The following CFAP20DC variants were observed in gnomAD, a reference collection of about 807,000 sequenced individuals.
CFAP20DC encodes the protein protein CFAP20DC.
A neutral mutation model predicts 101.7 loss-of-function variants in CFAP20DC; 84 were observed. The observed-to-expected ratio is 0.83, with a 90% CI of 0.69 to 0.99. The LOEUF (loss-of-function observed/expected upper bound fraction) is 0.99. CFAP20DC is among the 50% of genes least tolerant of loss of function. CFAP20DC has a pLI of 0.00. For missense variants in CFAP20DC, 1,007 were observed against 970.3 expected (o/e 1.04, Z -0.50); for synonymous variants, 359 against 351.2 (o/e 1.02, Z -0.25).
chr3:58,771,150 A>T (rs527921577), intron 15 of CFAP20DC, among the ~76,000 whole-genome samples: 1 of 152,176 alleles, frequency 6.6e-6, no homozygotes, highest in Admixed American at 6.5e-5. Flanking sequence ...CTATCACAAG[A>T]TCACGAACCA....
chr3:59,034,886 T>C (rs1209592764), intron 4 of CFAP20DC, among the ~76,000 whole-genome samples: 3 of 152,160 alleles, frequency 2.0e-5, no homozygotes, highest in Non-Finnish European at 4.4e-5. Context: ...ATCAACAGAA[T>C]ATACATTCTT....
At chr3:58,931,094 A>T (rs2086599486) in intron 5 of CFAP20DC, among the ~76,000 whole-genome samples, 1 of 152,082 alleles carries the variant, frequency 6.6e-6, no homozygotes, top group East Asian at 1.9e-4. Flanking sequence ...GATGGGGCTT[A>T]AAAAACGGCG....
Position 58,742,564 on chromosome 3 carries a change from C to G in CFAP20DC, c.2341G>C (p.Asp781His). ...TCCTCGTCCTCTTCCACACTGAGGT[C>G]TTCTTCACCTGTGGGGAAGGGGAAC... Reference protein sequence around the residue: ...CESLSVQGEEDLSVEEDEEVL... With the variant: ...CESLSVQGEEHLSVEEDEEVL... Residue 781 changes from aspartate to histidine, a missense_variant, in exon 17 of 17, where the codon GAC (aspartate) becomes CAC (histidine). By Grantham distance (81) the Asp-to-His change is moderately conservative (BLOSUM62 -1). Transcript: ENST00000482387. 2 of 1,598,684 alleles carry G rather than the reference C, an allele frequency of 1.3e-6. No homozygotes were observed. The highest frequency in any genetic ancestry group is 1.7e-6 in the Non-Finnish European group (2 of 1,172,122).
chr3:58,830,591 A>G (rs2076331640), intron 14 of CFAP20DC, among the ~76,000 whole-genome samples: 1 of 152,236 alleles, frequency 6.6e-6, no homozygotes, highest in Non-Finnish European at 1.5e-5. Flanking sequence ...ATTCATATGT[A>G]TTTAATTAAA....
chr3:58,994,281 G>A (rs972197491), intron 4 of CFAP20DC, among the ~76,000 whole-genome samples: 3 of 152,194 alleles, frequency 2.0e-5, no homozygotes, highest in Non-Finnish European at 4.4e-5. Flanking sequence ...AAAGCCTGCA[G>A]TGCTCTCATT....
intron 4 of CFAP20DC, among the ~76,000 whole-genome samples, chr3:58,993,194 TCATTTTTA>T (rs1261718696): frequency 6.6e-6 from 1 of 152,240 alleles, no homozygotes. Flanking sequence ...ATTATTCCCT[TCATTTTTA>T]ATAGAATGCT....
At chr3:58,960,232 C>A (rs2091015207) in intron 4 of CFAP20DC, among the ~76,000 whole-genome samples, 1 of 152,154 alleles carries the variant, frequency 6.6e-6, no homozygotes, top group South Asian at 2.1e-4. Context: ...GTGGCTCATG[C>A]CTGTAATCCC....
downstream of CFAP20DC, among the ~76,000 whole-genome samples, chr3:58,716,471 G>A: frequency 6.7e-6 from 1 of 150,278 alleles, no homozygotes; most frequent in East Asian, 1.9e-4. Flanking sequence ...CCTGCAGTCA[G>A]ATAATTTTTA....
At chr3:58,802,302 C>T (rs73837966) in intron 15 of CFAP20DC, among the ~76,000 whole-genome samples, 18,365 of 152,212 alleles carry the variant, frequency 0.12, 2,012 homozygotes, top group East Asian at 0.35. Flanking sequence ...TTTTGCTCTG[C>T]TTGGCAGCAT....
intron 13 of CFAP20DC, among the ~76,000 whole-genome samples, chr3:58,843,248 G>T (rs2077313109): frequency 6.6e-6 from 1 of 151,986 alleles, no homozygotes; most frequent in Non-Finnish European, 1.5e-5. Flanking sequence ...CAAAGGCAAA[G>T]AAGTTAAAAA....
chr3:58,863,572 C>T lies in CFAP20DC; in HGVS notation c.1579G>A (p.Asp527Asn), dbSNP rs200717739. The change falls in exon 12 of 17, where the codon GAC (aspartate) becomes AAC (asparagine). Residue 527 changes from aspartate (D) to asparagine (N), a missense_variant. By Grantham distance (23) the Asp-to-Asn change is conservative. Transcript: ENST00000482387. This position sits in a 1 kb window ranked among gnomAD's most constrained non-coding sequence, Gnocchi z 5.9. ...AAGCAGTGTACCTCTTCACTGCTGT[C>T]GCCGCCGTAAAAATCATCCTCTGAT... is the stretch of plus-strand genomic sequence containing the variant. ...TQSEDDFYGG[D>N]SSEEGNHSIQ... The T allele has an allele frequency of 6.2e-5, 100 of 1,613,964 alleles. No homozygotes were observed. The East Asian group carries it at 1.1e-3, about 18-fold the overall frequency.
intron 14 of CFAP20DC, among the ~76,000 whole-genome samples, chr3:58,809,935 AT>A (rs1185897146): frequency 6.6e-6 from 1 of 152,210 alleles, no homozygotes; most frequent in African/African-American, 2.4e-5. Context: ...CTCCACGCAA[AT>A]AAACTAGAAA....
At chr3:58,989,002 GA>G (rs1253631085) in intron 4 of CFAP20DC, among the ~76,000 whole-genome samples, 3 of 151,992 alleles carry the variant, frequency 2.0e-5, no homozygotes, top group African/African-American at 7.2e-5. Flanking sequence ...GATAACACAA[GA>G]TGAAATTAGT....
downstream of CFAP20DC, among the ~76,000 whole-genome samples, chr3:58,741,543 C>T (rs1460272413): frequency 4.6e-5 from 7 of 151,166 alleles, no homozygotes; most frequent in Non-Finnish European, 8.8e-5. Context: ...GTTGCCCAGG[C>T]TGGAGTACAG....
chr3:58,723,175 C>A (rs528690286), intron 3 of CFAP20DC, among the ~76,000 whole-genome samples: 25 of 152,338 alleles, frequency 1.6e-4, no homozygotes, highest in Admixed American at 5.2e-4. Flanking sequence ...TTATTTTGCA[C>A]TTCAGGTGGT....
intron 4 of CFAP20DC, among the ~76,000 whole-genome samples, chr3:58,977,779 G>A (rs1317834232): frequency 1.3e-5 from 2 of 151,112 alleles, no homozygotes; most frequent in Non-Finnish European, 2.9e-5. Context: ...TTTGAAAACT[G>A]AAGGAGACAA....
intron 15 of CFAP20DC, among the ~76,000 whole-genome samples, chr3:58,777,774 C>G (rs907548791): frequency 2.0e-4 from 30 of 152,140 alleles, no homozygotes; most frequent in African/African-American, 6.5e-4. Context: ...GTAATCCTAG[C>G]CACAGTAGAG....
At chr3:58,982,476 A>C (rs1427919254) in intron 4 of CFAP20DC, among the ~76,000 whole-genome samples, 1 of 151,982 alleles carries the variant, frequency 6.6e-6, no homozygotes, top group Non-Finnish European at 1.5e-5. Context: ...ACAATGATAG[A>C]CTGGATTAAG....
intron 5 of CFAP20DC, among the ~76,000 whole-genome samples, chr3:58,933,426 T>C (rs991194477): frequency 5.9e-5 from 9 of 152,046 alleles, no homozygotes; most frequent in African/African-American, 9.6e-5. Flanking sequence ...GCGGACCTAA[T>C]AGACATCTAC....
Sources: allele counts gnomAD v4.1 joint callset (sites outside exome capture counted in the v4.1 genomes callset), GRCh38; gene constraint gnomAD v4.1.1; non-coding constraint Gnocchi (gnomAD v3.1); transcripts MANE v1.5; gene names NCBI Gene and HGNC (gene_info 2026-07-23, HGNC 2026-07-21).